The following RNF2 variants were observed in gnomAD, a reference collection of about 807,000 sequenced individuals.
RNF2 encodes the protein E3 ubiquitin-protein ligase RING2.
RNF2 carries 6 observed loss-of-function variants against 37.2 expected under a neutral mutation model. The ratio of observed to expected loss-of-function variants is 0.16; its 90% CI spans 0.09 to 0.32. The LOEUF (loss-of-function observed/expected upper bound fraction) is 0.32, where lower values mean the gene tolerates loss of function less well. Among genes scored for constraint, RNF2 ranks in the 10% least tolerant of loss-of-function variants. The pLI, the probability that RNF2 is intolerant of heterozygous loss-of-function variation, is 1.00. For missense variants in RNF2, 251 were observed against 404.0 expected (o/e 0.62, Z 3.25); for synonymous variants, 133 against 132.7 (o/e 1.00, Z -0.02).
intron 1 of RNF2, among the ~76,000 whole-genome samples, chr1:185,076,265 GTTGTTTTTTTTTTTTTT>G (rs1254432256): frequency 2.5e-5 from 1 of 39,540 alleles, no homozygotes; most frequent in Non-Finnish European, 5.8e-5. Flanking sequence ...TCTTTTATGG[GTTGTTTTTTTTTTTTTT>G]TTTTTTTTTT....
chr1:185,087,713 T>A (rs1651644496), intron 2 of RNF2, 73 bp downstream of exon 2: 1 of 1,084,562 alleles, frequency 9.2e-7, no homozygotes, highest in Admixed American at 1.8e-5. Flanking sequence ...ACATGAAAAC[T>A]TAAATAGAAC....
chr1:185,090,144 AC>A (rs1167622085), intron 2 of RNF2, among the ~76,000 whole-genome samples: 1 of 151,996 alleles, frequency 6.6e-6, no homozygotes. Flanking sequence ...CTGGTCTCGA[AC>A]TTCTGACCTT....
chr1:185,062,808 C>T (rs1259428683), intron 1 of RNF2, among the ~76,000 whole-genome samples: 1 of 147,054 alleles, frequency 6.8e-6, no homozygotes, highest in Admixed American at 6.8e-5. Context: ...AATTGGTAGA[C>T]CTCCCCCCCC....
chr1:185,096,423 C>T (rs1651911950), intron 4 of RNF2, among the ~76,000 whole-genome samples: 1 of 152,082 alleles, frequency 6.6e-6, no homozygotes, highest in Admixed American at 6.5e-5. Context: ...AAAATTGAAA[C>T]CCTGTATCCA....
At chr1:185,071,974 AAGT>A (rs1650989750) in intron 1 of RNF2, 1 of 152,472 alleles carries the variant, frequency 6.6e-6, no homozygotes, top group African/African-American at 2.4e-5. Flanking sequence ...ATTGTGGACA[AAGT>A]AGTAAGACAT....
chr1:185,075,370 AC>A (rs1165375249), intron 1 of RNF2, among the ~76,000 whole-genome samples: 6 of 152,350 alleles, frequency 3.9e-5, no homozygotes, highest in South Asian at 2.1e-4. Context: ...TTCAAGAAAT[AC>A]ATTCCTTATG....
intron 1 of RNF2, among the ~76,000 whole-genome samples, chr1:185,082,344 A>ATTTTTTTTTTTTTTTTT (rs1557969996): frequency 4.3e-5 from 2 of 46,834 alleles, no homozygotes; most frequent in African/African-American, 7.2e-5. Flanking sequence ...CCTCTGCAGA[A>ATTTTTTTTTTTTTTTTT]CTTTTTTTTT....
chr1:185,088,582 A>G (rs1651672036), intron 2 of RNF2, among the ~76,000 whole-genome samples: 1 of 151,928 alleles, frequency 6.6e-6, no homozygotes, highest in South Asian at 2.1e-4. Flanking sequence ...TAAAGGAAGT[A>G]TTTCAAGGAG....
intron 2 of RNF2, among the ~76,000 whole-genome samples, chr1:185,090,409 A>G (rs994651315): frequency 1.3e-5 from 2 of 152,226 alleles, no homozygotes; most frequent in African/African-American, 4.8e-5. Flanking sequence ...CTGGGTCATC[A>G]ATATACTCTT....
At chr1:185,056,665 C>T (rs959247104) in intron 1 of RNF2, among the ~76,000 whole-genome samples, 6 of 152,150 alleles carry the variant, frequency 3.9e-5, no homozygotes, top group Non-Finnish European at 8.8e-5. Flanking sequence ...GCCACTGCAC[C>T]TGGCCTATCA....
In RNF2 at chr1:185,099,786, TC is replaced by T. The variant is rs748056780; in HGVS notation, c.738-4del. The T allele has an allele frequency of 6.2e-6, 10 of 1,610,782 alleles. No homozygotes were observed. The African/African-American group carries it at 9.4e-5, about 15-fold the overall frequency. ...AATGAAATTTTTAATGATTTATTCT[TC>T]TAGATACATAAAGACTTCTGGTAAC... On this transcript the variant is annotated splice_region_variant and splice_polypyrimidine_tract_variant and intron_variant, in intron 5 of 6. Transcript: ENST00000367510.
chr1:185,082,012 C>T (rs557362356), intron 1 of RNF2, among the ~76,000 whole-genome samples: 47 of 152,218 alleles, frequency 3.1e-4, no homozygotes, highest in African/African-American at 1.1e-3. Flanking sequence ...CTGAGCGGGT[C>T]GTCACTAGTT....
At chr1:185,087,225 A>C (rs982176067) in intron 1 of RNF2, among the ~76,000 whole-genome samples, 1 of 152,240 alleles carries the variant, frequency 6.6e-6, no homozygotes, top group Non-Finnish European at 1.5e-5. Flanking sequence ...ATAGAAATGT[A>C]TTACAGTTCT....
chr1:185,088,263 T>A (rs1312401631), intron 2 of RNF2, among the ~76,000 whole-genome samples: 1 of 151,846 alleles, frequency 6.6e-6, no homozygotes, highest in Non-Finnish European at 1.5e-5. Flanking sequence ...AATTAGGTAA[T>A]GGACAAGGAG....
At chr1:185,063,872 T>C (rs1244707389) in intron 1 of RNF2, among the ~76,000 whole-genome samples, 3 of 152,212 alleles carry the variant, frequency 2.0e-5, no homozygotes, top group African/African-American at 7.2e-5. Flanking sequence ...TCATCACAGC[T>C]TCTTTGACTC....
chr1:185,079,079 C>CTTTTT (rs58085875), intron 1 of RNF2, among the ~76,000 whole-genome samples: 30 of 130,388 alleles, frequency 2.3e-4, no homozygotes, highest in African/African-American at 8.1e-4. Flanking sequence ...TAGATCTTTT[C>CTTTTT]TTTTTTTTTT....
intron 2 of RNF2, among the ~76,000 whole-genome samples, chr1:185,089,166 A>G (rs567785547): frequency 2.6e-4 from 39 of 152,226 alleles, no homozygotes; most frequent in Middle Eastern, 3.4e-3. Context: ...GCAGTTCTCA[A>G]TAGGGTTCGG....
intron 1 of RNF2, among the ~76,000 whole-genome samples, chr1:185,048,942 C>T (rs1650194737): frequency 6.6e-6 from 1 of 151,872 alleles, no homozygotes; most frequent in Non-Finnish European, 1.5e-5. Flanking sequence ...GGGGGAGGTG[C>T]CTTGGGAGGG....
intron 1 of RNF2, among the ~76,000 whole-genome samples, chr1:185,073,732 CA>C (rs1353801339): frequency 6.6e-6 from 1 of 152,162 alleles, no homozygotes; most frequent in African/African-American, 2.4e-5. Flanking sequence ...GTATGTCAAT[CA>C]AAGATAATAA....
Sources: allele counts gnomAD v4.1 joint callset (sites outside exome capture counted in the v4.1 genomes callset), GRCh38; gene constraint gnomAD v4.1.1; transcripts MANE v1.5; gene names NCBI Gene and HGNC (gene_info 2026-07-23, HGNC 2026-07-21).